The following CTDSP1 variants were observed in gnomAD, a reference collection of about 807,000 sequenced individuals.
CTDSP1 encodes the protein carboxy-terminal domain RNA polymerase II polypeptide A small phosphatase 1.
Under a neutral mutation model 32.5 loss-of-function variants are expected in CTDSP1, and 15 were observed. The observed-to-expected ratio is 0.46, with a 90% CI of 0.31 to 0.71. CTDSP1 has a LOEUF of 0.71. CTDSP1 is among the 30% of genes least tolerant of loss of function. The pLI is 0.05. For synonymous variants in CTDSP1, 185 were observed against 145.4 expected (o/e 1.27, Z -1.96); for missense variants, 294 against 351.1 (o/e 0.84, Z 1.30).
upstream of CTDSP1, among the ~76,000 whole-genome samples, chr2:218,398,089 G>A (rs894301410): frequency 2.6e-5 from 4 of 152,130 alleles, no homozygotes; most frequent in Non-Finnish European, 4.4e-5. Context: ...CAGGCCAAGG[G>A]CGAGGCCACG....
At chr2:218,403,173 C>T (rs765496351) in intron 5 of CTDSP1, 46 bp downstream of exon 5, 44 of 1,612,976 alleles carry the variant, frequency 2.7e-5, no homozygotes, top group Non-Finnish European at 3.7e-5. Flanking sequence ...TCCTACCTAC[C>T]TCCCGCATGC....
Position 218,401,611 on chromosome 2 carries a change from C to G in CTDSP1, c.115C>G (p.Leu39Val), listed in dbSNP as rs756819498. The G allele has an allele frequency of 3.1e-6, 5 of 1,613,928 alleles. No individual in the cohort carries two copies. Among genetic ancestry groups the G allele is most frequent in the Non-Finnish European group, 4.2e-6 (5 of 1,179,936 alleles). Residue 39 changes from leucine (L) to valine (V), a missense_variant, in exon 2 of 7, where the codon CTC becomes GTC. By Grantham distance (32) the Leu-to-Val change is conservative (BLOSUM62 1). Transcript: ENST00000273062. ...CCAGAAGCCCCGAAGCCGGGGCATC[C>G]TCCACTCACTCTTCTGCTGTGTCTG... ...ASQKPRSRGI[L>V]HSLFCCVCRD... is the part of the protein sequence containing the mutation.
chr2:218,400,032 C>CG lies in CTDSP1; in HGVS notation c.-52dup, dbSNP rs1308066733. ...CCCGCGCCCCGATTCCGGCCCCAGC[C>CG]GGGGGGGAGGCCGGGCGCCCGGGCC... On this transcript the variant is annotated 5_prime_UTR_variant, in exon 1 of 7. Transcript: ENST00000273062. 3.4e-5 allele frequency: 46 copies of CG among 1,343,412 alleles called. No homozygotes were observed. The highest frequency in any genetic ancestry group is 2.8e-4 in the African/African-American group (18 of 64,490). 83.2% of individuals were successfully genotyped at this position (1,343,412 alleles called of 1,614,324 possible). A position where few individuals can be genotyped will look rare whatever the true frequency, so the allele number is the denominator to read the frequency against.
upstream of CTDSP1, chr2:218,399,740 G>A (rs1697004376): frequency 5.9e-6 from 6 of 1,014,088 alleles, no homozygotes; most frequent in African/African-American, 6.8e-5. Context: ...ACCCGGCCCG[G>A]CCCGCCTCCC....
upstream of CTDSP1, chr2:218,398,745 G>A (rs1444550873): frequency 5.1e-5 from 15 of 292,830 alleles, no homozygotes; most frequent in East Asian, 5.7e-4. Context: ...GGTGTTTGTC[G>A]GGCTTGGCAT....
At position 218,404,656 on chromosome 2, in the gene CTDSP1, T is replaced by C. The variant is rs1352278938; in HGVS notation, c.*231T>C. On this transcript the variant is annotated 3_prime_UTR_variant, in exon 7 of 7. Coordinates refer to ENST00000273062, the MANE Select transcript of CTDSP1 (RefSeq NM_021198.3). ...AGTGCCTTCAAACCTCCTCCCCTAT[T>C]CTCAGGGGACCTGGGGGGCCCTGCC... is the stretch of plus-strand genomic sequence containing the variant. The C allele has an allele frequency of 6.1e-6, 3 of 493,772 alleles. No homozygotes were observed. Among genetic ancestry groups the C allele is most frequent in the Non-Finnish European group, 3.6e-6 (1 of 280,866 alleles). 30.6% of individuals were successfully genotyped at this position (493,772 alleles called of 1,614,324 possible).
intron 2 of CTDSP1, among the ~76,000 whole-genome samples, 168 bp downstream of exon 2, chr2:218,401,880 G>C (rs1289686963): frequency 1.3e-5 from 2 of 152,192 alleles, no homozygotes; most frequent in Admixed American, 1.3e-4. Flanking sequence ...TGGGGAAACT[G>C]AATTCTCCCT....
Position 218,400,038 on chromosome 2 carries a change from G to T in CTDSP1, c.-53G>T. 7.4e-7 allele frequency: 1 copy of T among 1,353,870 alleles called. No homozygotes were observed. Among genetic ancestry groups the T allele is most frequent in the Non-Finnish European group, 9.5e-7 (1 of 1,049,828 alleles). 83.9% of individuals were successfully genotyped at this position (1,353,870 alleles called of 1,614,324 possible). ...CCCCGATTCCGGCCCCAGCCGGGGGGGAGGCCGGGCGCCCGGGCCAGAGTC... is the reference window on the plus strand; with the variant it reads ...CCCCGATTCCGGCCCCAGCCGGGGGTGAGGCCGGGCGCCCGGGCCAGAGTC... On this transcript the variant is annotated 5_prime_UTR_variant, in exon 1 of 7. Coordinates refer to ENST00000273062, the MANE Select transcript of CTDSP1 (RefSeq NM_021198.3).
At chr2:218,398,508 C>T (rs1574790179), upstream of CTDSP1, 1 of 1,410,882 alleles carries the variant, frequency 7.1e-7, no homozygotes, top group Non-Finnish European at 9.3e-7. Flanking sequence ...CCCCTCCCGC[C>T]CCTACTCCCA....
chr2:218,398,455 C>T (rs1222872667), upstream of CTDSP1: 9 of 1,532,358 alleles, frequency 5.9e-6, no homozygotes, highest in East Asian at 7.4e-5. Context: ...GGAGGAGGGC[C>T]GAGGGATCCA....
At chr2:218,398,465 A>C, upstream of CTDSP1, 1 of 1,530,660 alleles carries the variant, frequency 6.5e-7, no homozygotes, top group Non-Finnish European at 8.7e-7. Context: ...CGAGGGATCC[A>C]GCCCGGGGAC....
At chr2:218,400,435 C>A in intron 1 of CTDSP1, 2 of 546,352 alleles carry the variant, frequency 3.7e-6, no homozygotes, top group Admixed American at 6.0e-5. Context: ...TCCTGGCAGG[C>A]ATTGCGTGGT....
chr2:218,399,726 A>C, upstream of CTDSP1: 1 of 1,000,338 alleles, frequency 1.0e-6, no homozygotes, highest in Non-Finnish European at 1.2e-6. Context: ...GGAGCGCGGC[A>C]GGAACCCGGC....
chr2:218,404,525 G>C lies in CTDSP1; in HGVS notation c.*100G>C. ...TTGTTAGGAAAACCCATGGGCCGCCGCCACACTCAGTGCCATGGGGAAGCG... is the reference window on the plus strand; with the variant it reads ...TTGTTAGGAAAACCCATGGGCCGCCCCCACACTCAGTGCCATGGGGAAGCG... On this transcript the variant is annotated 3_prime_UTR_variant, in exon 7 of 7. Coordinates refer to ENST00000273062, the MANE Select transcript of CTDSP1 (RefSeq NM_021198.3). 2 of 1,454,660 alleles carry C rather than the reference G, an allele frequency of 1.4e-6. No homozygotes were observed. The highest frequency in any genetic ancestry group is 1.9e-6 in the Non-Finnish European group (2 of 1,066,668). The allele number at this position is 1,454,660 out of a possible 1,614,324, so 90.1% of individuals were successfully genotyped here. A position where few individuals can be genotyped will look rare whatever the true frequency, so the allele number is the denominator to read the frequency against.
chr2:218,404,522 G>C lies in CTDSP1; in HGVS notation c.*97G>C. On this transcript the variant is annotated 3_prime_UTR_variant, in exon 7 of 7. Transcript: ENST00000273062. Reference sequence around the variant, plus strand: ...CCTTTGTTAGGAAAACCCATGGGCCGCCGCCACACTCAGTGCCATGGGGAA... The same window carrying C: ...CCTTTGTTAGGAAAACCCATGGGCCCCCGCCACACTCAGTGCCATGGGGAA... 6.8e-7 allele frequency: 1 copy of C among 1,469,056 alleles called. No homozygotes were observed. 91.0% of individuals were successfully genotyped at this position (1,469,056 alleles called of 1,614,324 possible).
intron 2 of CTDSP1, 38 bp downstream of exon 2, chr2:218,401,750 A>T (rs1299762727): frequency 9.2e-6 from 14 of 1,514,710 alleles, no homozygotes; most frequent in Non-Finnish European, 1.2e-5. Flanking sequence ...GGGCACCTGG[A>T]CTCAGTCTTC....
At chr2:218,402,743 AG>A in intron 4 of CTDSP1, 1 of 747,130 alleles carries the variant, frequency 1.3e-6, no homozygotes, top group Admixed American at 1.8e-5. Flanking sequence ...CCTTGGGGTG[AG>A]GGGGCTGCCC....
rs781043383 is a variant in CTDSP1, at chr2:218,404,302, G to C, written c.663G>C (p.Pro221=). The change falls in exon 7 of 7, where the codon CCG becomes CCC. Residue 221 remains proline (P), a synonymous_variant. Transcript: ENST00000273062. ...TCCTACACCCACTTCCCCAGGTACC[G>C]GTGGCCTCGTGGTTTGACAACATGA... ...SYVFHPDNAV[P]VASWFDNMSD... 1 of 1,613,984 alleles carries C rather than the reference G, an allele frequency of 6.2e-7. No homozygotes were observed. The highest frequency in any genetic ancestry group is 2.2e-5 in the East Asian group (1 of 44,870).
upstream of CTDSP1, among the ~76,000 whole-genome samples, chr2:218,397,470 G>T (rs925212269): frequency 1.3e-5 from 2 of 152,104 alleles, no homozygotes; most frequent in Admixed American, 6.6e-5. Context: ...ACGGCTCCCC[G>T]CCTCCCCCTG....
Sources: gnomAD v4.1 joint callset for allele counts (sites outside exome capture counted in the v4.1 genomes callset) on GRCh38, gnomAD v4.1.1 for gene constraint, MANE v1.5 for transcripts, NCBI Gene and HGNC (gene_info 2026-07-23, HGNC 2026-07-21) for gene names.